MRTFA: variants seen among roughly 807,000 people sequenced by gnomAD.
MRTFA encodes the protein myocardin related transcription factor A.
In MRTFA, 20 loss-of-function variants were observed where a neutral mutation model predicts 83.5. The observed-to-expected ratio is 0.24, with a 90% confidence interval of 0.17 to 0.35. MRTFA has a LOEUF of 0.35. Ranked by LOEUF, MRTFA falls within the 10% of genes least tolerant of loss-of-function variation. The pLI, the probability that MRTFA is intolerant of heterozygous loss-of-function variation, is 1.00. For missense variants in MRTFA, 1,200 were observed against 1,224.7 expected (o/e 0.98, Z 0.30); for synonymous variants, 659 against 541.2 (o/e 1.22, Z -3.02).
At chr22:40,491,380 T>C (rs1196433124) in intron 3 of MRTFA, among the ~76,000 whole-genome samples, 3 of 152,070 alleles carry the variant, frequency 2.0e-5, no homozygotes, top group Non-Finnish European at 4.4e-5. Flanking sequence ...AGGAAGGCTG[T>C]TCACATAGGC....
intron 3 of MRTFA, among the ~76,000 whole-genome samples, chr22:40,524,101 C>T (rs1380784727): frequency 6.6e-6 from 1 of 152,014 alleles, no homozygotes; most frequent in Admixed American, 6.5e-5. Context: ...TTAAAACAGG[C>T]TGGGCAACAT....
chr22:40,627,454 G>A (rs943962474), intron 1 of MRTFA, among the ~76,000 whole-genome samples: 3 of 152,134 alleles, frequency 2.0e-5, no homozygotes, highest in Non-Finnish European at 4.4e-5. Context: ...AAGATGTGAG[G>A]TTACTATTAT....
Position 40,410,332 on chromosome 22 carries a change from A to ATCTT in MRTFA, c.*1054_*1057dup, listed in dbSNP as rs1027026258. The ATCTT allele has an allele frequency of 4.3e-5, 14 of 327,322 alleles. No homozygotes were observed. The highest frequency in any genetic ancestry group is 2.8e-4 in the African/African-American group (13 of 47,000). 20.3% of individuals were successfully genotyped at this position (327,322 alleles called of 1,614,324 possible). ...TTTAAAAAGTTCACACACCTTCCCC[A>ATCTT]TCTTTGTCCCAGCACTGGTTTTGGT... On this transcript the variant is annotated 3_prime_UTR_variant, in exon 15 of 15. Coordinates refer to ENST00000355630, the MANE Select transcript of MRTFA (RefSeq NM_020831.6).
At chr22:40,609,559 G>C (rs947613217) in intron 1 of MRTFA, among the ~76,000 whole-genome samples, 7 of 151,658 alleles carry the variant, frequency 4.6e-5, no homozygotes, top group Non-Finnish European at 1.0e-4. Flanking sequence ...GGCTGGGCAC[G>C]GTGGTTCACA....
At chr22:40,414,194 T>G (rs373142943) in intron 14 of MRTFA, among the ~76,000 whole-genome samples, 1 of 152,008 alleles carries the variant, frequency 6.6e-6, no homozygotes, top group Non-Finnish European at 1.5e-5. Context: ...ACACAAAAAA[T>G]TGGCCGGGCG....
chr22:40,481,326 T>C (rs531623439), intron 3 of MRTFA, among the ~76,000 whole-genome samples: 1 of 152,166 alleles, frequency 6.6e-6, no homozygotes, highest in Non-Finnish European at 1.5e-5. Flanking sequence ...CTAGGAAGAT[T>C]GTCAGTTGGC....
chr22:40,552,088 A>G lies in MRTFA; in HGVS notation c.241+18T>C, dbSNP rs2055451230. ...CCTGGTTCAAATCAGGGAATGCAAT[A>G]ATTCTGTATCTACTCACCATTCTTC... On this transcript the variant is annotated intron_variant, in intron 3 of 14. Coordinates refer to ENST00000355630, the MANE Select transcript of MRTFA (RefSeq NM_020831.6). The G allele has an allele frequency of 2.5e-6, 1 of 398,260 alleles. No homozygotes were observed. The highest frequency in any genetic ancestry group is 1.3e-4 in the South Asian group (1 of 7,540). The allele number at this position is 398,260 out of a possible 1,614,324, so 24.7% of individuals were successfully genotyped here.
intron 1 of MRTFA, among the ~76,000 whole-genome samples, chr22:40,607,204 A>AAGAAC (rs1260236355): frequency 5.9e-5 from 9 of 152,200 alleles, no homozygotes; most frequent in Non-Finnish European, 1.2e-4. Flanking sequence ...CACGTTTGCT[A>AAGAAC]AGAACAACAG....
rs1283714511 is a variant in MRTFA, at chr22:40,470,979, AAC to A, written c.242-7695_242-7694del. On this transcript the variant is annotated intron_variant, in intron 3 of 14. Transcript: ENST00000355630. The stretch of plus-strand genomic sequence containing the variant: ...ACAAAACAAAACAAAAAACAAAAAC[AAC>A]AGAGAAAATCAATAGTCATAAAAGT... 2.0e-5 allele frequency among the ~76,000 whole-genome samples: 3 copies of A among 152,002 alleles called. 1 individual carries two copies. The highest frequency in any genetic ancestry group is 7.2e-5 in the African/African-American group (3 of 41,396).
At chr22:40,537,055 G>A in intron 3 of MRTFA, among the ~76,000 whole-genome samples, 1 of 136 alleles carries the variant, frequency 7.4e-3, no homozygotes, top group Non-Finnish European at 0.016. Flanking sequence ...GCCCCGTCCG[G>A]GAGGAGGTGG....
At chr22:40,516,138 C>T (rs1214859162) in intron 3 of MRTFA, among the ~76,000 whole-genome samples, 1 of 152,074 alleles carries the variant, frequency 6.6e-6, no homozygotes, top group African/African-American at 2.4e-5. Context: ...AGTTTCTGGG[C>T]TAGGCACGGT....
chr22:40,580,000 G>A (rs1169811591), intron 2 of MRTFA, among the ~76,000 whole-genome samples: 4 of 151,914 alleles, frequency 2.6e-5, no homozygotes, highest in Admixed American at 1.3e-4. Context: ...AGCACTTTTC[G>A]AGCAAGGAAA....
chr22:40,482,060 CAAA>C (rs35483565), intron 3 of MRTFA, among the ~76,000 whole-genome samples: 12 of 99,410 alleles, frequency 1.2e-4, no homozygotes, highest in Admixed American at 2.2e-4. Context: ...ACTCCCATCT[CAAA>C]AAAAAAAAAA....
Position 40,418,869 on chromosome 22 carries a change from C to T in MRTFA, c.1869G>A (p.Lys623=), listed in dbSNP as rs2091408271. Residue 623 remains lysine (K), a synonymous_variant, in exon 12 of 15, where the codon AAG becomes AAA. Coordinates refer to ENST00000355630, the MANE Select transcript of MRTFA (RefSeq NM_020831.6). Reference sequence around the variant, plus strand: ...TGTCTTTCTCCTGCAGCATCTGGTCCTTGTCGCGCCCCTCTAGCTCCGCCC... The same window carrying T: ...TGTCTTTCTCCTGCAGCATCTGGTCTTTGTCGCGCCCCTCTAGCTCCGCCC... 3.1e-6 allele frequency: 5 copies of T among 1,612,510 alleles called. No homozygotes were observed. The highest frequency in any genetic ancestry group is 4.2e-6 in the Non-Finnish European group (5 of 1,179,816).
rs2147048431 is a variant in MRTFA at position 40,411,818 on chromosome 22, G to T, written c.2668C>A (p.Gln890Lys). Residue 890 changes from glutamine to lysine, a missense_variant, in exon 15 of 15, where the codon CAG (glutamine) becomes AAG (lysine). This residue lies in a region of MRTFA where 1,107 missense variants were observed against 1,041.8 expected (regional missense o/e 1.06). Coordinates refer to ENST00000355630, the MANE Select transcript of MRTFA (RefSeq NM_020831.6). ...GGGAGCTCAGCAGAAGGTGATGGCT[G>T]TGCTGCCAGGGGGGACCCACAGACT... is the stretch of plus-strand genomic sequence containing the variant. The T allele has an allele frequency of 6.6e-7, 1 of 1,518,200 alleles. No individual in the cohort carries two copies. The highest frequency in any genetic ancestry group is 8.9e-7 in the Non-Finnish European group (1 of 1,129,494). 94.0% of individuals were successfully genotyped at this position (1,518,200 alleles called of 1,614,324 possible).
rs5995872 is a variant in MRTFA, at chr22:40,542,556, G to A, written c.241+9550C>T. Reference sequence around the variant, plus strand: ...AAGTGCTAAGATCTTAATAATCACAGAATAATTTTTCCAACATTAAAATGG... The same window carrying A: ...AAGTGCTAAGATCTTAATAATCACAAAATAATTTTTCCAACATTAAAATGG... On this transcript the variant is annotated intron_variant, in intron 3 of 14. Coordinates refer to ENST00000355630, the MANE Select transcript of MRTFA (RefSeq NM_020831.6). Among the ~76,000 whole-genome samples, 1,182 of 152,010 alleles carry A rather than the reference G, an allele frequency of 7.8e-3. 28 individuals carry two copies. The highest frequency in any genetic ancestry group is 0.075 in the Middle Eastern group (22 of 294).
At chr22:40,593,464 T>A (rs1234287887) in intron 2 of MRTFA, among the ~76,000 whole-genome samples, 1 of 152,184 alleles carries the variant, frequency 6.6e-6, no homozygotes. Context: ...TCACACAGTA[T>A]TTCCATGGAA....
In MRTFA at chr22:40,410,613, A is replaced by G. The variant is rs2052486472; in HGVS notation, c.*777T>C. The G allele has an allele frequency of 4.3e-6, 1 of 233,360 alleles. No homozygotes were observed. The highest frequency in any genetic ancestry group is 6.0e-5 in the East Asian group (1 of 16,540). The allele number at this position is 233,360 out of a possible 1,614,324, so 14.5% of individuals were successfully genotyped here. A position where few individuals can be genotyped will look rare whatever the true frequency, so the allele number is the denominator to read the frequency against. ...CCAGGAAGCAGGGCAGGTGGGGCAT[A>G]GGCCGTGGCAGGGTACCTACATGTC... On this transcript the variant is annotated 3_prime_UTR_variant, in exon 15 of 15. Transcript: ENST00000355630.
intron 3 of MRTFA, among the ~76,000 whole-genome samples, chr22:40,551,080 A>C (rs1050540470): frequency 1.6e-5 from 1 of 60,650 alleles, no homozygotes; most frequent in African/African-American, 7.2e-5. Flanking sequence ...CGAACTCCCG[A>C]CCTCAGGGAT....
Sources: gnomAD v4.1 joint callset for allele counts (sites outside exome capture counted in the v4.1 genomes callset) on GRCh38, gnomAD v4.1.1 for gene constraint, gnomAD v4.1.1 regional missense constraint, MANE v1.5 for transcripts, NCBI Gene and HGNC (gene_info 2026-07-23, HGNC 2026-07-21) for gene names.